PCDHGB6: variants seen among roughly 807,000 people sequenced by gnomAD.
The protein encoded by PCDHGB6 is protocadherin gamma subfamily B, 6, also known as protocadherin gamma-B6.
In PCDHGB6, 51 loss-of-function variants were observed where a neutral mutation model predicts 59.1. The ratio of observed to expected loss-of-function variants is 0.86; its 90% CI spans 0.69 to 1.09. The LOEUF is 1.09. Among genes scored for constraint, PCDHGB6 ranks in the 50% least tolerant of loss-of-function variants. The probability of loss-of-function intolerance (pLI) is 0.00; values close to 1 mark genes in which losing one functional copy is unlikely to be tolerated. For synonymous variants in PCDHGB6, 466 were observed against 495.1 expected (o/e 0.94, Z 0.78); for missense variants, 1,148 against 1,205.1 (o/e 0.95, Z 0.70).
chr5:141,444,561 GA>G (rs778707459), intron 1 of PCDHGB6, among the ~76,000 whole-genome samples: 17 of 152,098 alleles, frequency 1.1e-4, no homozygotes, highest in Non-Finnish European at 2.1e-4. Context: ...GCACTTATTT[GA>G]CACTTTTGAC....
intron 1 of PCDHGB6, chr5:141,427,957 C>G (rs770633827): frequency 1.3e-5 from 20 of 1,588,284 alleles, no homozygotes; most frequent in African/African-American, 2.7e-5. Flanking sequence ...GACAATGTGC[C>G]GCGGGTGCTG....
intron 1 of PCDHGB6, among the ~76,000 whole-genome samples, chr5:141,445,078 G>T (rs1591839605): frequency 6.6e-6 from 1 of 152,208 alleles, no homozygotes; most frequent in East Asian, 1.9e-4. Flanking sequence ...TCATTAAATT[G>T]TCCCTACATA....
intron 1 of PCDHGB6, among the ~76,000 whole-genome samples, chr5:141,444,359 C>T (rs942218966): frequency 7.9e-5 from 12 of 151,582 alleles, no homozygotes; most frequent in East Asian, 7.7e-4. Context: ...TTAGTAGAGA[C>T]GGGGTTTCTC....
In PCDHGB6 at chr5:141,511,829, G is replaced by A. The variant is rs1181369164; in HGVS notation, c.*656G>A. 1 of 156,774 alleles carries A rather than the reference G, an allele frequency of 6.4e-6. No individual in the cohort carries two copies. Among genetic ancestry groups the A allele is most frequent in the Non-Finnish European group, 1.4e-5 (1 of 70,652 alleles). The allele number at this position is 156,774 out of a possible 1,614,324, so 9.7% of individuals were successfully genotyped here. Reference sequence around the variant, plus strand: ...TACCAAGCCTCTTCCCAACGCCCTGGGGACCAGTCTTCTGTTTTGTTTTTC... The same window carrying A: ...TACCAAGCCTCTTCCCAACGCCCTGAGGACCAGTCTTCTGTTTTGTTTTTC... On this transcript the variant is annotated 3_prime_UTR_variant, in exon 4 of 4. Transcript: ENST00000520790.
Position 141,502,485 on chromosome 5 carries a change from G to A in PCDHGB6, c.2478-2908G>A, listed in dbSNP as rs187600890. ...AATACTTCCCGCAGCATCACACTGG[G>A]ACTCATCTAACGTCGGCCTGTCCCA... On this transcript the variant is annotated intron_variant, in intron 2 of 3. Coordinates refer to ENST00000520790, the MANE Select transcript of PCDHGB6 (RefSeq NM_018926.3). 8.4e-3 allele frequency among the ~76,000 whole-genome samples: 1,276 copies of A among 152,270 alleles called. 22 individuals carry two copies. Among genetic ancestry groups the A allele is most frequent in the African/African-American group, 0.028 (1,151 of 41,542 alleles).
At chr5:141,441,920 A>G (rs1276085080) in intron 1 of PCDHGB6, 8 of 352,988 alleles carry the variant, frequency 2.3e-5, no homozygotes, top group East Asian at 8.9e-5. Context: ...GTGAGACACA[A>G]TGCGTGGCTG....
intron 1 of PCDHGB6, chr5:141,415,938 C>T (rs1351429284): frequency 3.4e-6 from 2 of 588,200 alleles, no homozygotes; most frequent in East Asian, 4.2e-5. Context: ...ATATTTCCTC[C>T]TGGGTGGTCA....
At chr5:141,473,682 G>A (rs2099326903) in intron 1 of PCDHGB6, among the ~76,000 whole-genome samples, 1 of 152,186 alleles carries the variant, frequency 6.6e-6, no homozygotes, top group Admixed American at 6.5e-5. Context: ...GGGAAGGGCT[G>A]GGGTTCTGAC....
chr5:141,505,509 G>A (rs778054090), intron 3 of PCDHGB6, 28 bp downstream of exon 3: 1 of 1,613,940 alleles, frequency 6.2e-7, no homozygotes, highest in Non-Finnish European at 8.5e-7. Context: ...GTGTATGGAA[G>A]AGTGGGAGAC....
At position 141,410,009 on chromosome 5, in the gene PCDHGB6, T is replaced by G; in HGVS notation, c.1807T>G (p.Trp603Gly). 6.2e-7 allele frequency: 1 copy of G among 1,613,318 alleles called. No homozygotes were observed. Among genetic ancestry groups the G allele is most frequent in the Non-Finnish European group, 8.5e-7 (1 of 1,179,810 alleles). The change falls in exon 1 of 4, where the codon TGG becomes GGG. Residue 603 changes from tryptophan (W) to glycine (G), a missense_variant. Trp to Gly is a radical substitution (Grantham distance 184). Around this residue, in one of 5 missense-constraint regions of PCDHGB6, gnomAD observed 549 missense variants for 527.5 expected, o/e 1.04. Coordinates refer to ENST00000520790, the MANE Select transcript of PCDHGB6 (RefSeq NM_018926.3). ...AVDADSGHNA[W>G]LSYHVLQASE... ...GGACGCCGACTCGGGACACAACGCCTGGCTGTCCTACCACGTGCTGCAGGC... is the reference window on the plus strand; with the variant it reads ...GGACGCCGACTCGGGACACAACGCCGGGCTGTCCTACCACGTGCTGCAGGC...
rs773499765 is a variant in PCDHGB6 at position 141,489,626 on chromosome 5, A to T, written c.2419-5181A>T. 6.2e-6 allele frequency: 10 copies of T among 1,613,568 alleles called. No individual in the cohort carries two copies. In the South Asian group the frequency reaches 9.9e-5, roughly 16 times the overall value. On this transcript the variant is annotated intron_variant, in intron 1 of 3. Coordinates refer to ENST00000520790, the MANE Select transcript of PCDHGB6 (RefSeq NM_018926.3). The surrounding 1 kb of genome is among the most constrained non-coding windows in gnomAD (Gnocchi z 4.5). The stretch of plus-strand genomic sequence containing the variant: ...GTAGAGATCCTGGATCTCAATGACA[A>T]CTCTCCTAGCTTTGCCACCCCTGAG...
chr5:141,415,594 G>A (rs753362668), intron 1 of PCDHGB6: 1 of 1,613,866 alleles, frequency 6.2e-7, no homozygotes, highest in Non-Finnish European at 8.5e-7. Context: ...TCCTATAGAG[G>A]ATACCCCATT....
Position 141,409,896 on chromosome 5 carries a change from C to T in PCDHGB6, c.1694C>T (p.Pro565Leu), listed in dbSNP as rs1181128940. ...RNDNAPRVLY[P>L]ALGPDGSAFF... ...GACAACGCACCGCGGGTGCTGTACC[C>T]AGCTCTGGGTCCTGACGGCTCCGCG... The change falls in exon 1 of 4, where the codon CCA becomes CTA. Residue 565 changes from proline to leucine, a missense_variant. This residue lies in a region of PCDHGB6 where 549 missense variants were observed against 527.5 expected (regional missense o/e 1.04). Transcript: ENST00000520790. The T allele has an allele frequency of 6.2e-7, 1 of 1,613,240 alleles. No homozygotes were observed. Among genetic ancestry groups the T allele is most frequent in the East Asian group, 2.2e-5 (1 of 44,866 alleles).
intron 1 of PCDHGB6, chr5:141,418,431 A>T (rs751083183): frequency 1.9e-6 from 3 of 1,614,000 alleles, no homozygotes; most frequent in East Asian, 2.2e-5. Flanking sequence ...GGTGGCAAAT[A>T]TCCAGAATTA....
chr5:141,431,973 TC>T lies in PCDHGB6; in HGVS notation c.2418+21354del, dbSNP rs770294598. 13 of 1,614,100 alleles carry T rather than the reference TC, an allele frequency of 8.1e-6. No individual in the cohort carries two copies. The highest frequency in any genetic ancestry group is 1.0e-5 in the Non-Finnish European group (12 of 1,180,038). On this transcript the variant is annotated intron_variant, in intron 1 of 3. Transcript: ENST00000520790. This position sits in a 1 kb window ranked among gnomAD's most constrained non-coding sequence, Gnocchi z 4.8. ...TCTTACGGAAATTACTATAGTTTAG[TC>T]ACAGACATAGTCTTGGATAGGGAAC...
intron 1 of PCDHGB6, chr5:141,422,091 G>C: frequency 6.2e-7 from 1 of 1,611,830 alleles, no homozygotes. Context: ...TGGAAAGCAA[G>C]GCTTCTGAAA....
intron 1 of PCDHGB6, among the ~76,000 whole-genome samples, chr5:141,483,393 C>T (rs1475344614): frequency 6.6e-6 from 1 of 152,080 alleles, no homozygotes; most frequent in Admixed American, 6.5e-5. Flanking sequence ...TTGATAAATG[C>T]TTGAACCAGC....
intron 1 of PCDHGB6, chr5:141,419,166 A>G: frequency 6.2e-7 from 1 of 1,613,944 alleles, no homozygotes; most frequent in Non-Finnish European, 8.5e-7. Context: ...TCCTCCAGCA[A>G]AACCATAACC....
At chr5:141,473,272 A>G (rs2099318396) in intron 1 of PCDHGB6, among the ~76,000 whole-genome samples, 1 of 152,182 alleles carries the variant, frequency 6.6e-6, no homozygotes, top group African/African-American at 2.4e-5. Flanking sequence ...GTATGCTATG[A>G]TTATTTTACT....
Sources: gnomAD v4.1 joint callset for allele counts (sites outside exome capture counted in the v4.1 genomes callset) on GRCh38, gnomAD v4.1.1 for gene constraint, gnomAD v4.1.1 regional missense constraint, Gnocchi (gnomAD v3.1) non-coding constraint, MANE v1.5 for transcripts, NCBI Gene and HGNC (gene_info 2026-07-23, HGNC 2026-07-21) for gene names.